ARHGAP32: variants seen among roughly 807,000 people sequenced by gnomAD.
ARHGAP32 encodes rho GTPase-activating protein 32.
In ARHGAP32, 51 loss-of-function variants were observed where a neutral mutation model predicts 186.5. That is an observed-to-expected ratio of 0.27 (90% CI 0.22 to 0.35). The LOEUF is 0.35. Among genes scored for constraint, ARHGAP32 ranks in the 10% least tolerant of loss-of-function variants. The pLI is 1.00. For synonymous variants in ARHGAP32, 950 were observed against 964.3 expected (o/e 0.99, Z 0.27); for missense variants, 2,186 against 2,623.5 (o/e 0.83, Z 3.64).
chr11:129,091,052 G>A (rs898964750), intron 6 of ARHGAP32, among the ~76,000 whole-genome samples: 2 of 152,116 alleles, frequency 1.3e-5, no homozygotes, highest in Non-Finnish European at 2.9e-5. Context: ...GATATCTGCA[G>A]CACGACATGT....
At chr11:129,061,905 C>T (rs1780873146) in intron 10 of ARHGAP32, among the ~76,000 whole-genome samples, 1 of 152,086 alleles carries the variant, frequency 6.6e-6, no homozygotes. Flanking sequence ...AGTTACAATG[C>T]CTTTTTATAG....
chr11:129,105,628 A>G (rs1179116492), intron 5 of ARHGAP32, among the ~76,000 whole-genome samples: 2 of 152,238 alleles, frequency 1.3e-5, no homozygotes, highest in Non-Finnish European at 1.5e-5. Context: ...TCACCAAACA[A>G]ACCGCAGCCA....
At chr11:129,129,650 A>T (rs2135399855) in intron 2 of ARHGAP32, among the ~76,000 whole-genome samples, 1 of 152,358 alleles carries the variant, frequency 6.6e-6, no homozygotes, top group East Asian at 1.9e-4. Context: ...CTGTGTAGAA[A>T]GAAGTAGACA....
At chr11:128,998,910 CT>C (rs1260742285) in intron 11 of ARHGAP32, among the ~76,000 whole-genome samples, 1 of 152,192 alleles carries the variant, frequency 6.6e-6, no homozygotes, top group Non-Finnish European at 1.5e-5. Context: ...ATCCCATCAT[CT>C]TTGTAAACTG....
At chr11:129,048,044 G>A (rs947092091) in intron 10 of ARHGAP32, among the ~76,000 whole-genome samples, 2 of 152,014 alleles carry the variant, frequency 1.3e-5, no homozygotes, top group Non-Finnish European at 2.9e-5. Context: ...CTTGTATTGG[G>A]CTCTTTGAGA....
chr11:129,278,638 G>C (rs548063482), intron 1 of ARHGAP32, among the ~76,000 whole-genome samples: 9 of 152,198 alleles, frequency 5.9e-5, no homozygotes, highest in African/African-American at 2.2e-4. Context: ...TCAGTCAATC[G>C]GAAAGACGAG....
chr11:129,006,297 C>CT (rs1343626756), intron 11 of ARHGAP32, among the ~76,000 whole-genome samples: 1 of 152,128 alleles, frequency 6.6e-6, no homozygotes, highest in African/African-American at 2.4e-5. Context: ...TTGTCAGTGT[C>CT]TGAGCATTGA....
In ARHGAP32 at chr11:128,969,688, TAG is replaced by T; in HGVS notation, c.5523_5524del (p.Phe1841LeufsTer2). Reference sequence around the variant, plus strand: ...CATCTCTGCCTCGGGATGCCTCCTATAGAAGCGGTCCTCTCCCTCGGGACTGA... The same window carrying T: ...CATCTCTGCCTCGGGATGCCTCCTATAAGCGGTCCTCTCCCTCGGGACTGA... On this transcript the variant is annotated frameshift_variant, in exon 23 of 23. Coordinates refer to ENST00000682385, the MANE Select transcript of ARHGAP32 (RefSeq NM_001378024.1). LOFTEE classifies it high-confidence loss of function. The surrounding 1 kb of genome is among the most constrained non-coding windows in gnomAD (Gnocchi z 4.8). 1 of 1,614,160 alleles carries T rather than the reference TAG, an allele frequency of 6.2e-7. No individual in the cohort carries two copies. The highest frequency in any genetic ancestry group is 8.5e-7 in the Non-Finnish European group (1 of 1,180,024).
chr11:129,218,594 A>C (rs1944673927), intron 1 of ARHGAP32, among the ~76,000 whole-genome samples: 1 of 152,166 alleles, frequency 6.6e-6, no homozygotes. Flanking sequence ...GAACTATAAA[A>C]GGAGGCAGGA....
rs147017701 is a variant in ARHGAP32 at position 129,090,161 on chromosome 11, C to A, written c.531+3460G>T. On this transcript the variant is annotated intron_variant, in intron 6 of 22. Transcript: ENST00000682385. ...AATCTGCCTATATATTTTGTTCATG[C>A]ACATATGTTCTATAAATGTTAATAT... Among the ~76,000 whole-genome samples, 5 of 152,284 alleles carry A rather than the reference C, an allele frequency of 3.3e-5. No individual in the cohort carries two copies. In the East Asian group the frequency reaches 9.7e-4, roughly 29 times the overall value.
chr11:129,007,720 T>C (rs1403413285), intron 11 of ARHGAP32, among the ~76,000 whole-genome samples: 1 of 152,186 alleles, frequency 6.6e-6, no homozygotes, highest in Admixed American at 6.5e-5. Flanking sequence ...TTAGCCACCC[T>C]GGCTGGTGTC....
intron 1 of ARHGAP32, among the ~76,000 whole-genome samples, chr11:129,173,513 C>G (rs552701368): frequency 4.6e-5 from 7 of 152,000 alleles, no homozygotes; most frequent in Admixed American, 3.9e-4. Flanking sequence ...AGAAACACAA[C>G]CAAAAAAGAA....
intron 11 of ARHGAP32, among the ~76,000 whole-genome samples, chr11:129,006,560 TCTTA>T (rs1244176593): frequency 6.6e-6 from 1 of 152,206 alleles, no homozygotes; most frequent in Non-Finnish European, 1.5e-5. Context: ...TGTTTTCTTC[TCTTA>T]CTTTCTCCCA....
At chr11:129,043,071 G>A (rs1275746806) in intron 10 of ARHGAP32, among the ~76,000 whole-genome samples, 1 of 152,190 alleles carries the variant, frequency 6.6e-6, no homozygotes, top group African/African-American at 2.4e-5. Context: ...GAGTGACTCT[G>A]AAAAAGATCC....
intron 5 of ARHGAP32, among the ~76,000 whole-genome samples, chr11:129,110,113 G>C (rs1404918106): frequency 6.6e-6 from 1 of 152,050 alleles, no homozygotes. Flanking sequence ...TGGGTTGATT[G>C]TTTTATATGA....
chr11:129,189,619 T>G (rs1312353606), intron 1 of ARHGAP32, among the ~76,000 whole-genome samples: 2 of 152,188 alleles, frequency 1.3e-5, no homozygotes, highest in Non-Finnish European at 2.9e-5. Flanking sequence ...ACAAGGTAGG[T>G]AATAATACCG....
intron 1 of ARHGAP32, among the ~76,000 whole-genome samples, chr11:129,245,968 T>C (rs1340969426): frequency 1.3e-5 from 2 of 152,196 alleles, no homozygotes; most frequent in African/African-American, 2.4e-5. Flanking sequence ...TACAAAGATA[T>C]TCACTAAACC....
intron 2 of ARHGAP32, among the ~76,000 whole-genome samples, chr11:129,132,178 T>A (rs1942826359): frequency 6.6e-6 from 1 of 151,974 alleles, no homozygotes; most frequent in African/African-American, 2.4e-5. Flanking sequence ...GTGGGCAAAG[T>A]CCCCAATAAA....
intron 5 of ARHGAP32, among the ~76,000 whole-genome samples, chr11:129,105,936 A>T (rs983080949): frequency 6.6e-6 from 1 of 152,186 alleles, no homozygotes; most frequent in Admixed American, 6.5e-5. Context: ...AATATTAGCA[A>T]GAAGTTATAA....
Sources: gnomAD v4.1 joint callset for allele counts (sites outside exome capture counted in the v4.1 genomes callset) on GRCh38, gnomAD v4.1.1 for gene constraint, Gnocchi (gnomAD v3.1) non-coding constraint, MANE v1.5 for transcripts, NCBI Gene and HGNC (gene_info 2026-07-23, HGNC 2026-07-21) for gene names.